DLC1: variants seen among roughly 807,000 people sequenced by gnomAD.
DLC1 encodes rho GTPase-activating protein 7.
DLC1 carries 54 observed loss-of-function variants against 140.3 expected under a neutral mutation model. The ratio of observed to expected loss-of-function variants is 0.38; its 90% CI spans 0.31 to 0.48. DLC1 has a LOEUF of 0.48. DLC1 is among the 20% of genes least tolerant of loss of function. The pLI is 0.96. For synonymous variants in DLC1, 986 were observed against 728.1 expected (o/e 1.35, Z -5.70); for missense variants, 2,536 against 1,907.0 (o/e 1.33, Z -6.14).
intron 5 of DLC1, among the ~76,000 whole-genome samples, chr8:13,217,549 C>A (rs1309133400): frequency 6.6e-6 from 1 of 152,016 alleles, no homozygotes; most frequent in African/African-American, 2.4e-5. Context: ...TAATTAAAAA[C>A]AACTGGCTGG....
At chr8:13,408,624 A>G (rs968054141) in intron 2 of DLC1, among the ~76,000 whole-genome samples, 11 of 152,152 alleles carry the variant, frequency 7.2e-5, no homozygotes, top group African/African-American at 2.7e-4. Context: ...ATTTCTACCT[A>G]AATCATTTCG....
chr8:13,172,616 G>C (rs979033331), intron 5 of DLC1, among the ~76,000 whole-genome samples: 28 of 152,230 alleles, frequency 1.8e-4, no homozygotes, highest in African/African-American at 6.5e-4. Context: ...ACAGTAAGTG[G>C]CAGGATGGGG....
chr8:13,242,003 A>G (rs1292451636), intron 5 of DLC1, among the ~76,000 whole-genome samples: 1 of 152,156 alleles, frequency 6.6e-6, no homozygotes, highest in East Asian at 1.9e-4. Flanking sequence ...TGTGGGGATT[A>G]TCCATGGATT....
chr8:13,500,890 T>G (rs149299919), intron 1 of DLC1, among the ~76,000 whole-genome samples: 12 of 152,302 alleles, frequency 7.9e-5, no homozygotes, highest in African/African-American at 2.9e-4. Context: ...CAAGCTGGTA[T>G]TTTTGAAGCT....
Position 13,295,102 on chromosome 8 carries a change from A to C in DLC1, c.1348+10167T>G, listed in dbSNP as rs1831897961. ...GCTCAGTGGGGAAAATTTTGAGATA[A>C]ATATATCCAAGAGGATCACAGACTT... On this transcript the variant is annotated intron_variant, in intron 5 of 17. Coordinates refer to ENST00000276297, the MANE Select transcript of DLC1 (RefSeq NM_182643.3). Among the ~76,000 whole-genome samples the C allele has an allele frequency of 2.0e-5, 3 of 152,300 alleles. No homozygotes were observed. In the South Asian group the frequency reaches 6.2e-4, roughly 32 times the overall value.
chr8:13,531,361 G>A lies in DLC1; in HGVS notation c.-125-31165C>T, dbSNP rs367996244. Among the ~76,000 whole-genome samples the A allele has an allele frequency of 2.3e-3, 345 of 152,252 alleles. 10 individuals are homozygous for A. In the South Asian group the frequency reaches 0.064, roughly 28 times the overall value. On this transcript the variant is annotated intron_variant, in intron 1 of 1. Transcript: ENST00000631382. ...AGCAATTTGGAAGGCCAAGGCGGGCGGATCACCTGAAGTCAGGAGTTCAAG... is the reference window on the plus strand; with the variant it reads ...AGCAATTTGGAAGGCCAAGGCGGGCAGATCACCTGAAGTCAGGAGTTCAAG...
intron 5 of DLC1, among the ~76,000 whole-genome samples, chr8:13,122,235 C>G (rs1173543948): frequency 2.0e-5 from 3 of 152,200 alleles, no homozygotes; most frequent in East Asian, 1.9e-4. Context: ...TCAGCAAAGA[C>G]CACAGCCTTC....
chr8:13,396,817 C>T (rs574318628), intron 3 of DLC1, among the ~76,000 whole-genome samples: 1 of 152,228 alleles, frequency 6.6e-6, no homozygotes, highest in East Asian at 1.9e-4. Context: ...TACCCAAAAG[C>T]TCTCCCAAAA....
chr8:13,101,032 G>T, intron 8 of DLC1: 2 of 390,526 alleles, frequency 5.1e-6, no homozygotes, highest in Non-Finnish European at 8.9e-6. Context: ...TGCGGTGACA[G>T]GGATAAGCTA....
At chr8:13,473,384 G>A (rs1800298569) in intron 2 of DLC1, among the ~76,000 whole-genome samples, 1 of 152,040 alleles carries the variant, frequency 6.6e-6, no homozygotes, top group African/African-American at 2.4e-5. Flanking sequence ...TAAAAACGGG[G>A]GTTTCCCTGC....
At chr8:13,366,425 C>T (rs1835483226) in intron 4 of DLC1, among the ~76,000 whole-genome samples, 1 of 152,054 alleles carries the variant, frequency 6.6e-6, no homozygotes, top group African/African-American at 2.4e-5. Context: ...TTTGTGGGCA[C>T]ATGGTAGGTG....
intron 4 of DLC1, among the ~76,000 whole-genome samples, chr8:13,322,068 A>G (rs1056003069): frequency 1.3e-5 from 2 of 152,174 alleles, no homozygotes; most frequent in African/African-American, 4.8e-5. Flanking sequence ...CAAATGCATT[A>G]TTTACATTGG....
chr8:13,140,222 C>A (rs1208783400), intron 5 of DLC1, among the ~76,000 whole-genome samples: 1 of 152,100 alleles, frequency 6.6e-6, no homozygotes, highest in Admixed American at 6.6e-5. Flanking sequence ...AAGTTTATAT[C>A]TATATCTATA....
chr8:13,123,770 T>C (rs779595697), intron 5 of DLC1, among the ~76,000 whole-genome samples: 1 of 152,234 alleles, frequency 6.6e-6, no homozygotes, highest in Non-Finnish European at 1.5e-5. Flanking sequence ...TTTTATTCTG[T>C]GATATATCCC....
At chr8:13,304,537 CT>C (rs1162156136) in intron 5 of DLC1, 1 of 449,558 alleles carries the variant, frequency 2.2e-6, no homozygotes, top group Non-Finnish European at 2.9e-6. Context: ...AATATTTTCT[CT>C]AAGGTGAGAC....
At position 13,367,273 on chromosome 8, in the gene DLC1, C is replaced by T. The variant is rs116810903; in HGVS notation, c.1314+26280G>A. On this transcript the variant is annotated intron_variant, in intron 4 of 17. Coordinates refer to ENST00000276297, the MANE Select transcript of DLC1 (RefSeq NM_182643.3). ...GACCTGCAGGGTTTATAACTCAGGA[C>T]GTGAAATGCATCTCACTCAATCCAT... Among the ~76,000 whole-genome samples, 1,470 of 152,226 alleles carry T rather than the reference C, an allele frequency of 9.7e-3. 20 individuals are homozygous for T. The highest frequency in any genetic ancestry group is 0.033 in the African/African-American group (1,388 of 41,534).
chr8:13,166,283 A>G (rs1825100846), intron 5 of DLC1, among the ~76,000 whole-genome samples: 2 of 152,056 alleles, frequency 1.3e-5, no homozygotes, highest in Non-Finnish European at 2.9e-5. Flanking sequence ...ATTCCTTTTG[A>G]TCAGGGCTAT....
At chr8:13,474,500 G>C (rs1057162750) in intron 2 of DLC1, among the ~76,000 whole-genome samples, 1 of 152,128 alleles carries the variant, frequency 6.6e-6, no homozygotes, top group African/African-American at 2.4e-5. Flanking sequence ...TGTGAGAAAA[G>C]GGCCACTGTC....
At chr8:13,511,964 A>G (rs1337662890) in intron 1 of DLC1, among the ~76,000 whole-genome samples, 2 of 152,142 alleles carry the variant, frequency 1.3e-5, no homozygotes, top group Non-Finnish European at 2.9e-5. Flanking sequence ...TCCCATAAGT[A>G]TTTGTAGTGA....
Sources: gnomAD v4.1 joint callset for allele counts (sites outside exome capture counted in the v4.1 genomes callset) on GRCh38, gnomAD v4.1.1 for gene constraint, MANE v1.5 for transcripts, NCBI Gene and HGNC (gene_info 2026-07-23, HGNC 2026-07-21) for gene names.